PPP6R2: variants seen among roughly 807,000 people sequenced by gnomAD.
PPP6R2 encodes serine/threonine-protein phosphatase 6 regulatory subunit 2.
In PPP6R2, 62 loss-of-function variants were observed where a neutral mutation model predicts 100.2. The ratio of observed to expected loss-of-function variants is 0.62; its 90% CI spans 0.50 to 0.76. PPP6R2 has a LOEUF of 0.76. Among genes scored for constraint, PPP6R2 ranks in the 30% least tolerant of loss-of-function variants. The pLI, the probability that PPP6R2 is intolerant of heterozygous loss-of-function variation, is 0.00. For missense variants in PPP6R2, 1,142 were observed against 1,276.3 expected, an observed-to-expected ratio of 0.89 and a Z score of 1.60; for synonymous variants, 525 against 514.7, an observed-to-expected ratio of 1.02 and a Z score of -0.27.
chr22:50,372,795 T>G (rs1602539740), intron 2 of PPP6R2, among the ~76,000 whole-genome samples: 1 of 151,634 alleles, frequency 6.6e-6, no homozygotes, highest in East Asian at 2.0e-4. Flanking sequence ...ATCAAGCGAT[T>G]CTTCTTCCTC....
At chr22:50,375,050 G>A (rs992426888) in intron 2 of PPP6R2, among the ~76,000 whole-genome samples, 1 of 152,136 alleles carries the variant, frequency 6.6e-6, no homozygotes, top group Non-Finnish European at 1.5e-5. Flanking sequence ...CATTAGCTAG[G>A]TTGACAACAG....
At chr22:50,386,989 C>G (rs1309449819) in intron 2 of PPP6R2, among the ~76,000 whole-genome samples, 1 of 152,186 alleles carries the variant, frequency 6.6e-6, no homozygotes, top group Non-Finnish European at 1.5e-5. Context: ...CTGTCCTGCT[C>G]TTCCGCGGTA....
intron 19 of PPP6R2, 95 bp from the exon 20 acceptor site, chr22:50,439,606 C>T: frequency 7.3e-7 from 1 of 1,372,836 alleles, no homozygotes; most frequent in Non-Finnish European, 9.7e-7. Context: ...TCCTGTCAAC[C>T]TCTGAGGGGC....
intron 1 of PPP6R2, among the ~76,000 whole-genome samples, chr22:50,354,137 T>C (rs912702316): frequency 3.4e-4 from 51 of 151,818 alleles, no homozygotes; most frequent in African/African-American, 1.2e-3. Context: ...AAACCCTGTC[T>C]CTACTAAAAA....
At chr22:50,388,239 CA>C (rs1410607098) in intron 2 of PPP6R2, among the ~76,000 whole-genome samples, 1 of 151,084 alleles carries the variant, frequency 6.6e-6, no homozygotes, top group Non-Finnish European at 1.5e-5. Context: ...AAAAAAAGTA[CA>C]AAAATTAGCT....
At chr22:50,375,096 T>C (rs1430432069) in intron 2 of PPP6R2, among the ~76,000 whole-genome samples, 1 of 151,584 alleles carries the variant, frequency 6.6e-6, no homozygotes, top group Non-Finnish European at 1.5e-5. Context: ...CAGTAGAGAG[T>C]AGAATAATTC....
intron 22 of PPP6R2, among the ~76,000 whole-genome samples, chr22:50,441,747 A>C (rs1284090206): frequency 1.3e-5 from 2 of 152,124 alleles, no homozygotes; most frequent in African/African-American, 2.4e-5. Flanking sequence ...CCCCTCCAGC[A>C]AGCTGAACCC....
chr22:50,340,413 G>GGGTGTGTGTGGTGTGTGT (rs1293226923), upstream of PPP6R2, among the ~76,000 whole-genome samples: 1 of 97,328 alleles, frequency 1.0e-5, no homozygotes, highest in South Asian at 3.6e-4. Flanking sequence ...TGTGTGTGTA[G>GGGTGTGTGTGGTGTGTGT]GGTGTGTGTG....
the PPP6R2 span, among the ~76,000 whole-genome samples, chr22:50,334,836 G>C: frequency 2.6e-5 from 4 of 151,944 alleles, no homozygotes; most frequent in African/African-American, 9.7e-5. Flanking sequence ...GTGTGGTGTC[G>C]CGTGCCTGTA....
chr22:50,387,687 G>T (rs73439393), intron 2 of PPP6R2, among the ~76,000 whole-genome samples: 2,085 of 152,276 alleles, frequency 0.014, 43 homozygotes, highest in African/African-American at 0.048. Context: ...CTCCCACCAC[G>T]TTGGAGTTGA....
intron 1 of PPP6R2, among the ~76,000 whole-genome samples, chr22:50,359,544 A>G (rs28869343): frequency 0.53 from 80,041 of 151,836 alleles, 23,845 homozygotes; most frequent in African/African-American, 0.82. Context: ...TATGATGAAA[A>G]AGGTTTATAT....
chr22:50,436,861 T>C (rs373042678), intron 14 of PPP6R2, 127 bp from the exon 15 acceptor site: 3 of 771,434 alleles, frequency 3.9e-6, no homozygotes, highest in African/African-American at 1.7e-5. Context: ...GGCCCAGAGA[T>C]CTGATGAGTG....
intron 1 of PPP6R2, among the ~76,000 whole-genome samples, chr22:50,347,091 T>C (rs1430084171): frequency 2.6e-5 from 4 of 152,074 alleles, no homozygotes; most frequent in African/African-American, 9.7e-5. Flanking sequence ...TCCCTCATCC[T>C]GCCTGTTGTG....
intron 2 of PPP6R2, among the ~76,000 whole-genome samples, chr22:50,388,170 T>C (rs1436751913): frequency 6.7e-6 from 1 of 149,104 alleles, no homozygotes; most frequent in Non-Finnish European, 1.5e-5. Context: ...AAAAAATTTT[T>C]TTAGGATTAA....
At chr22:50,339,219 GGTGTGTGGTGTGTTTACGGTGTGTGTT>G (rs2042340069), upstream of PPP6R2, among the ~76,000 whole-genome samples, 1 of 138,856 alleles carries the variant, frequency 7.2e-6, no homozygotes, top group Non-Finnish European at 1.6e-5. Context: ...GTGTGTGTAG[GGTGTGTGGTGTGTTTACGGTGTGTGTT>G]GTGTGTGTTG....
intron 16 of PPP6R2, 56 bp downstream of exon 16, chr22:50,437,659 T>C: frequency 6.8e-7 from 1 of 1,461,418 alleles, no homozygotes; most frequent in Non-Finnish European, 9.6e-7. Context: ...GCTGCTGAGC[T>C]CCCGTGGAGG....
chr22:50,427,818 T>G (rs2062437190), intron 10 of PPP6R2, among the ~76,000 whole-genome samples: 1 of 152,240 alleles, frequency 6.6e-6, no homozygotes, highest in Non-Finnish European at 1.5e-5. Flanking sequence ...CCCCCCAGGT[T>G]CACGCCATTC....
intron 6 of PPP6R2, among the ~76,000 whole-genome samples, chr22:50,417,111 C>G (rs1271387964): frequency 6.6e-6 from 1 of 152,098 alleles, no homozygotes; most frequent in Admixed American, 6.6e-5. Context: ...GGCTTAGTGG[C>G]TCTTCTGTTG....
At chr22:50,372,688 T>A (rs565445736) in intron 2 of PPP6R2, among the ~76,000 whole-genome samples, 100 of 152,188 alleles carry the variant, frequency 6.6e-4, no homozygotes, top group African/African-American at 2.4e-3. Context: ...AGCCCAAGTT[T>A]AATTCTTCTT....
Sources: gnomAD v4.1 joint callset for allele counts (sites outside exome capture counted in the v4.1 genomes callset) on GRCh38, gnomAD v4.1.1 for gene constraint, MANE v1.5 for transcripts, NCBI Gene and HGNC (gene_info 2026-07-23, HGNC 2026-07-21) for gene names.